Variants in ZMAT1 observed in about 807,000 individuals in gnomAD.
ZMAT1 encodes zinc finger matrin-type 1, also known as zinc finger matrin-type protein 1.
A neutral mutation model predicts 18.5 loss-of-function variants in ZMAT1; 11 were observed. The observed-to-expected ratio is 0.59, with a 90% CI of 0.37 to 0.98. ZMAT1 has a LOEUF of 0.98. ZMAT1 is among the 50% of genes least tolerant of loss of function. ZMAT1 has a pLI of 0.01. For missense variants in ZMAT1, 525 were observed against 496.2 expected (o/e 1.06, Z -0.55); for synonymous variants, 211 against 176.4 (o/e 1.20, Z -1.55).
In ZMAT1 at chrX:101,882,656, T is replaced by C. The variant is rs1191898358; in HGVS notation, c.*854A>G. On this transcript the variant is annotated 3_prime_UTR_variant, in exon 6 of 6. Transcript: ENST00000651725. ...ATAAATAATTCACTATCACAGCAATTTGATGAGCAGAAGTAGAGACAACTT... is the reference window on the plus strand; with the variant it reads ...ATAAATAATTCACTATCACAGCAATCTGATGAGCAGAAGTAGAGACAACTT... 3 of 111,621 alleles carry C rather than the reference T, an allele frequency of 2.7e-5. No individual in the cohort carries two copies. Among genetic ancestry groups the C allele is most frequent in the East Asian group, 5.7e-4 (2 of 3,528 alleles). 9.2% of individuals were successfully genotyped at this position (111,621 alleles called of 1,213,427 possible).
intron 1 of ZMAT1, among the ~76,000 whole-genome samples, chrX:101,929,466 G>T (rs189790613): frequency 1.4e-5 from 1 of 73,528 alleles, no homozygotes; most frequent in African/African-American, 4.6e-5. Context: ...TACACACAGA[G>T]AGAGAGAGAG....
In ZMAT1 at chrX:101,883,941, G is replaced by GT; in HGVS notation, c.1656dup (p.Pro553ThrfsTer7). On this transcript the variant is annotated frameshift_variant, in exon 6 of 6. Coordinates refer to ENST00000651725, the MANE Select transcript of ZMAT1 (RefSeq NM_001394560.1). LOFTEE classifies it low-confidence loss of function (END_TRUNC). The stretch of plus-strand genomic sequence containing the variant: ...TGCTGATTAAGGCTCAAGGGTACTG[G>GT]TTTTTCTGGGAAACAGTCTCTGGTG... 8.3e-7 allele frequency: 1 copy of GT among 1,210,406 alleles called. No individual in the cohort carries two copies. The highest frequency in any genetic ancestry group is 1.1e-6 in the Non-Finnish European group (1 of 895,080).
Position 101,898,021 on chromosome X carries a change from C to T in ZMAT1, c.523G>A (p.Asp175Asn), listed in dbSNP as rs144779698. ...NFQVHRYEGV[D>N]KNKFCDLCNM... ...CAGAGATCACAAAATTTGTTTTTGTCCACTCCTTCATACCTATGCACCTGA... is the reference window on the plus strand; with the variant it reads ...CAGAGATCACAAAATTTGTTTTTGTTCACTCCTTCATACCTATGCACCTGA... Residue 175 changes from aspartate (D) to asparagine (N), a missense_variant, in exon 4 of 6, where the codon GAC (aspartate) becomes AAC (asparagine). By Grantham distance (23) the Asp-to-Asn change is conservative. Coordinates refer to ENST00000651725, the MANE Select transcript of ZMAT1 (RefSeq NM_001394560.1). 39 of 1,209,132 alleles carry T rather than the reference C, an allele frequency of 3.2e-5. No individual in the cohort carries two copies. The African/African-American group carries it at 5.3e-4, about 16-fold the overall frequency.
At chrX:101,930,947 T>TA (rs1930440175) in intron 1 of ZMAT1, among the ~76,000 whole-genome samples, 2 of 112,113 alleles carry the variant, frequency 1.8e-5, no homozygotes, top group Admixed American at 1.9e-4. Context: ...CAGAACTTAT[T>TA]AAAGCCAAAC....
chrX:101,892,085 G>C (rs1927450554), intron 4 of ZMAT1, among the ~76,000 whole-genome samples: 2 of 110,864 alleles, frequency 1.8e-5, no homozygotes, highest in Admixed American at 9.6e-5. Context: ...TGTAGCGGGG[G>C]AAGAGAGTCT....
intron 4 of ZMAT1, among the ~76,000 whole-genome samples, chrX:101,893,847 A>C (rs915946447): frequency 9.0e-6 from 1 of 111,378 alleles, no homozygotes; most frequent in Non-Finnish European, 1.9e-5. Flanking sequence ...CAGACACAAA[A>C]AACAGGGTAA....
At chrX:101,895,750 T>A in intron 4 of ZMAT1, 1 of 601,085 alleles carries the variant, frequency 1.7e-6, no homozygotes. Context: ...GCAAAATTTG[T>A]TCGGATTATT....
intron 4 of ZMAT1, chrX:101,894,906 T>C: frequency 1.3e-6 from 1 of 751,049 alleles, no homozygotes; most frequent in Non-Finnish European, 1.6e-6. Flanking sequence ...AGAAGGTGCC[T>C]GTGGGGGGAA....
Position 101,931,716 on chromosome X carries a change from C to T in ZMAT1, c.292+1G>A. 3 of 761,072 alleles carry T rather than the reference C, an allele frequency of 3.9e-6. No homozygotes were observed. Among genetic ancestry groups the T allele is most frequent in the Non-Finnish European group, 4.7e-6 (3 of 643,516 alleles). The allele number at this position is 761,072 out of a possible 1,213,427, so 62.7% of individuals were successfully genotyped here. A position where few individuals can be genotyped will look rare whatever the true frequency, so the allele number is the denominator to read the frequency against. On this transcript the variant is annotated splice_donor_variant, in intron 1 of 5. Coordinates refer to ENST00000651725, the MANE Select transcript of ZMAT1 (RefSeq NM_001394560.1). LOFTEE classifies it high-confidence loss of function. The stretch of plus-strand genomic sequence containing the variant: ...CCCCGCACCCCGGGACGGGAACTCA[C>T]CTTCTCTGAGGCAAGGGCGGGTGTC...
chrX:101,893,775 G>A (rs1469596742), intron 4 of ZMAT1, among the ~76,000 whole-genome samples: 1 of 111,271 alleles, frequency 9.0e-6, no homozygotes, highest in African/African-American at 3.3e-5. Flanking sequence ...GAATGAGGGG[G>A]AGTTAGCCAG....
At chrX:101,887,113 G>T in intron 4 of ZMAT1, 1 of 398,941 alleles carries the variant, frequency 2.5e-6, no homozygotes, top group Non-Finnish European at 3.2e-6. Context: ...CTTTTTGTTT[G>T]CCCCAACTCT....
chrX:101,918,698 C>A (rs1468183690), intron 1 of ZMAT1: 1 of 110,245 alleles, frequency 9.1e-6, no homozygotes, highest in Non-Finnish European at 1.9e-5. Flanking sequence ...TACAATATAA[C>A]TTATTACAGA....
At chrX:101,896,830 A>G (rs1447950606) in intron 4 of ZMAT1, among the ~76,000 whole-genome samples, 1 of 111,403 alleles carries the variant, frequency 9.0e-6, no homozygotes, top group Non-Finnish European at 1.9e-5. Flanking sequence ...GTTTTCTCAT[A>G]TGTGCTGGTG....
At chrX:101,929,003 C>T (rs1438892966) in intron 1 of ZMAT1, among the ~76,000 whole-genome samples, 3 of 110,862 alleles carry the variant, frequency 2.7e-5, no homozygotes, top group Non-Finnish European at 5.7e-5. Context: ...GTATATGTGT[C>T]TTTTCAGATG....
chrX:101,904,843 C>T (rs911105174), intron 1 of ZMAT1, among the ~76,000 whole-genome samples: 3 of 111,056 alleles, frequency 2.7e-5, no homozygotes, highest in Non-Finnish European at 3.8e-5. Flanking sequence ...CTAGCTACTC[C>T]GGAGGCTGAG....
intron 4 of ZMAT1, among the ~76,000 whole-genome samples, chrX:101,896,686 G>C (rs1339669142): frequency 8.9e-6 from 1 of 111,906 alleles, no homozygotes; most frequent in Non-Finnish European, 1.9e-5. Context: ...CTAAAGTGTT[G>C]AAGCTACAAA....
At chrX:101,905,444 A>T (rs1172157294) in intron 1 of ZMAT1, among the ~76,000 whole-genome samples, 1 of 112,441 alleles carries the variant, frequency 8.9e-6, no homozygotes, top group Non-Finnish European at 1.9e-5. Flanking sequence ...TATGAGTCAC[A>T]AACATCAAAA....
intron 4 of ZMAT1, among the ~76,000 whole-genome samples, chrX:101,890,643 A>C (rs757782426): frequency 9.0e-6 from 1 of 111,428 alleles, no homozygotes; most frequent in South Asian, 3.8e-4. Context: ...ATGAACAAAA[A>C]ATTTCAGTCT....
chrX:101,931,240 G>C (rs1027284304), intron 1 of ZMAT1, among the ~76,000 whole-genome samples: 2 of 111,351 alleles, frequency 1.8e-5, no homozygotes, highest in African/African-American at 6.6e-5. Context: ...CACCAAAGGG[G>C]GTTTACTCCC....
Sources: allele counts gnomAD v4.1 joint callset (sites outside exome capture counted in the v4.1 genomes callset), GRCh38; gene constraint gnomAD v4.1.1; transcripts MANE v1.5; gene names NCBI Gene and HGNC (gene_info 2026-07-23, HGNC 2026-07-21).